ROBO2: variants seen among roughly 807,000 people sequenced by gnomAD.
ROBO2 encodes roundabout guidance receptor 2.
In ROBO2, 53 loss-of-function variants were observed where a neutral mutation model predicts 160.8. The ratio of observed to expected loss-of-function variants is 0.33; its 90% CI spans 0.26 to 0.41. ROBO2 has a LOEUF of 0.41. ROBO2 is among the 10% of genes least tolerant of loss of function. The pLI is 1.00. For synonymous variants in ROBO2, 664 were observed against 611.7 expected (o/e 1.09, Z -1.26); for missense variants, 1,577 against 1,722.4 (o/e 0.92, Z 1.49).
At chr3:76,198,426 G>A (rs1057415128) in intron 2 of ROBO2, among the ~76,000 whole-genome samples, 1 of 152,148 alleles carries the variant, frequency 6.6e-6, no homozygotes, top group Non-Finnish European at 1.5e-5. Flanking sequence ...CTTTCATATA[G>A]CATCACATGG....
chr3:76,933,309 A>G (rs2149066468), intron 2 of ROBO2, among the ~76,000 whole-genome samples: 1 of 152,338 alleles, frequency 6.6e-6, no homozygotes, highest in African/African-American at 2.4e-5. Context: ...TGCCAGATAT[A>G]GAATTGTGTT....
At chr3:76,931,004 G>C (rs1047956075) in intron 2 of ROBO2, among the ~76,000 whole-genome samples, 1 of 152,038 alleles carries the variant, frequency 6.6e-6, no homozygotes, top group Non-Finnish European at 1.5e-5. Flanking sequence ...TTTTTTCTCT[G>C]CTAGAATGTA....
intron 2 of ROBO2, among the ~76,000 whole-genome samples, chr3:76,685,192 GTT>G (rs57691150): frequency 8.8e-4 from 113 of 128,310 alleles, no homozygotes; most frequent in African/African-American, 1.7e-3. Flanking sequence ...GGTTGGTTGT[GTT>G]TTTTTTTTTT....
Position 76,103,043 on chromosome 3 carries a change from T to A in ROBO2, c.109+165441T>A, listed in dbSNP as rs2069766479. Among the ~76,000 whole-genome samples, 2 of 152,018 alleles carry A rather than the reference T, an allele frequency of 1.3e-5. 1 individual carries two copies. Among genetic ancestry groups the A allele is most frequent in the Admixed American group, 1.3e-4 (2 of 15,268 alleles). On this transcript the variant is annotated intron_variant, in intron 2 of 26. Coordinates refer to the ROBO2 transcript ENST00000487694. ...TTTCACCATGTTAGCCAGGATGGTC[T>A]CAATCTCCTGACCTCGTGATCCGCC...
chr3:76,340,039 T>C (rs1009221659), intron 2 of ROBO2, among the ~76,000 whole-genome samples: 2 of 151,212 alleles, frequency 1.3e-5, no homozygotes, highest in African/African-American at 2.4e-5. Context: ...CCAAAGTCTA[T>C]TGCATAAACT....
At chr3:76,699,635 T>C (rs2093005788) in intron 2 of ROBO2, among the ~76,000 whole-genome samples, 1 of 152,152 alleles carries the variant, frequency 6.6e-6, no homozygotes, top group Non-Finnish European at 1.5e-5. Context: ...TGTGCAAATG[T>C]TTAAATACAT....
At chr3:76,199,460 A>C (rs1049882827) in intron 2 of ROBO2, among the ~76,000 whole-genome samples, 5 of 152,134 alleles carry the variant, frequency 3.3e-5, no homozygotes, top group Non-Finnish European at 1.5e-5. Context: ...CTAACAGATG[A>C]TCCTAATTCC....
intron 2 of ROBO2, among the ~76,000 whole-genome samples, chr3:76,785,753 A>G (rs559177479): frequency 1.3e-5 from 2 of 151,370 alleles, no homozygotes; most frequent in South Asian, 4.2e-4. Flanking sequence ...GAAATGTCCA[A>G]GAGTGCCAAC....
At chr3:76,224,946 A>G (rs1377291516) in intron 2 of ROBO2, among the ~76,000 whole-genome samples, 2 of 152,172 alleles carry the variant, frequency 1.3e-5, no homozygotes, top group Non-Finnish European at 2.9e-5. Context: ...TCACTAATAC[A>G]CTTAAGCCTA....
intron 6 of ROBO2, 54 bp from the exon 8 acceptor site, chr3:77,546,283 AT>A (rs774069818): frequency 2.1e-5 from 34 of 1,594,022 alleles, no homozygotes; most frequent in Non-Finnish European, 2.7e-5. Flanking sequence ...TCCTTGACAT[AT>A]TTTTATTTGT....
chr3:76,439,302 AAAG>A (rs1187205099), intron 2 of ROBO2, among the ~76,000 whole-genome samples: 2 of 135,000 alleles, frequency 1.5e-5, no homozygotes, highest in Admixed American at 8.0e-5. Context: ...TGAAGGTTAC[AAAG>A]AAGAGGTACG....
intron 2 of ROBO2, among the ~76,000 whole-genome samples, chr3:75,967,852 TA>T (rs557851689): frequency 4.1e-4 from 62 of 151,566 alleles, no homozygotes; most frequent in Admixed American, 1.4e-3. Flanking sequence ...ATTATGTTAC[TA>T]AAAACAGTAA....
intron 1 of ROBO2, among the ~76,000 whole-genome samples, chr3:75,924,417 C>T (rs1202092800): frequency 6.6e-6 from 1 of 151,620 alleles, no homozygotes; most frequent in Non-Finnish European, 1.5e-5. Context: ...TACATGTGGC[C>T]CCTCAAACCT....
At chr3:76,594,018 AAAGT>A (rs2086587056) in intron 2 of ROBO2, among the ~76,000 whole-genome samples, 1 of 152,180 alleles carries the variant, frequency 6.6e-6, no homozygotes, top group South Asian at 2.1e-4. Context: ...ATCATAAAAG[AAAGT>A]ATGTTGTAAA....
intron 2 of ROBO2, among the ~76,000 whole-genome samples, chr3:76,567,996 G>A (rs1389094012): frequency 6.6e-6 from 1 of 150,540 alleles, no homozygotes; most frequent in Admixed American, 6.6e-5. Flanking sequence ...TGTATTTTCA[G>A]TAGAGACGGG....
Position 76,714,057 on chromosome 3 carries a change from C to T in ROBO2, c.110-383957C>T, listed in dbSNP as rs140765457. 4.5e-3 allele frequency among the ~76,000 whole-genome samples: 677 copies of T among 151,956 alleles called. 17 individuals are homozygous for T. Among genetic ancestry groups the T allele is most frequent in the Admixed American group, 0.033 (499 of 15,266 alleles). Reference sequence around the variant, plus strand: ...GTTAGTATGTTCAGAAATAGGGCGGCCTGCTTAAAGGAATGAAGTCTTTTA... The same window carrying T: ...GTTAGTATGTTCAGAAATAGGGCGGTCTGCTTAAAGGAATGAAGTCTTTTA... On this transcript the variant is annotated intron_variant, in intron 2 of 26. Transcript: ENST00000487694.
intron 2 of ROBO2, among the ~76,000 whole-genome samples, chr3:76,282,390 C>T (rs1225588147): frequency 1.3e-5 from 2 of 151,942 alleles, no homozygotes; most frequent in African/African-American, 4.8e-5. Flanking sequence ...TTGGCTGGTT[C>T]ACTTAAGAAT....
intron 2 of ROBO2, among the ~76,000 whole-genome samples, chr3:76,171,559 C>T (rs1309187388): frequency 6.6e-6 from 1 of 152,004 alleles, no homozygotes; most frequent in Non-Finnish European, 1.5e-5. Flanking sequence ...GAAGAAGGGC[C>T]TGTGTGAGCA....
chr3:77,150,017 A>G (rs1460206281), intron 2 of ROBO2, among the ~76,000 whole-genome samples: 1 of 152,148 alleles, frequency 6.6e-6, no homozygotes, highest in Non-Finnish European at 1.5e-5. Flanking sequence ...TGATTATTTT[A>G]TTTGTTCCTG....
Sources: gnomAD v4.1 joint callset for allele counts (sites outside exome capture counted in the v4.1 genomes callset) on GRCh38, gnomAD v4.1.1 for gene constraint, MANE v1.5 for transcripts, NCBI Gene and HGNC (gene_info 2026-07-23, HGNC 2026-07-21) for gene names.